NEXMIF: variants seen among roughly 807,000 people sequenced by gnomAD.
NEXMIF encodes neurite extension and migration factor.
NEXMIF carries 8 observed loss-of-function variants against 62.1 expected under a neutral mutation model. The ratio of observed to expected loss-of-function variants is 0.13; its 90% CI spans 0.08 to 0.23. The LOEUF is 0.23. Ranked by LOEUF, NEXMIF falls within the 10% of genes least tolerant of loss-of-function variation. The pLI, the probability that NEXMIF is intolerant of heterozygous loss-of-function variation, is 1.00. For missense variants in NEXMIF, 976 were observed against 1,113.3 expected, an observed-to-expected ratio of 0.88 and a Z score of 1.75; for synonymous variants, 404 against 416.6, an observed-to-expected ratio of 0.97 and a Z score of 0.37.
chrX:74,879,430 T>G (rs1277553120), intron 1 of NEXMIF, among the ~76,000 whole-genome samples: 4 of 112,355 alleles, frequency 3.6e-5, no homozygotes, highest in Non-Finnish European at 7.5e-5. Flanking sequence ...TTATTTTATT[T>G]ATATGTTAAT....
At chrX:74,794,758 CCTTT>C (rs1015971652) in intron 1 of NEXMIF, among the ~76,000 whole-genome samples, 16 of 111,663 alleles carry the variant, frequency 1.4e-4, no homozygotes, top group African/African-American at 4.9e-4. Context: ...GTCCGTCACC[CCTTT>C]CTTTGACTCG....
rs751318061 is a variant in NEXMIF, at chrX:74,744,298, G to T, written c.259C>A (p.Pro87Thr). The T allele has an allele frequency of 8.3e-7, 1 of 1,209,609 alleles. No homozygotes were observed. ...PPSPLGLIEAPEHAANSASVN... is the reference protein window; with the variant it reads ...PPSPLGLIEATEHAANSASVN... Reference sequence around the variant, plus strand: ...GAAGCACTATTAGCAGCATGTTCGGGTGCTTCAATCAGGCCCAAAGGAGAG... The same window carrying T: ...GAAGCACTATTAGCAGCATGTTCGGTTGCTTCAATCAGGCCCAAAGGAGAG... Residue 87 changes from proline (P) to threonine (T), a missense_variant, in exon 3 of 4, where the codon CCC (proline) becomes ACC (threonine). Around this residue, in one of 5 missense-constraint regions of NEXMIF, gnomAD observed 126 missense variants for 146.5 expected, o/e 0.86. Coordinates refer to ENST00000055682, the MANE Select transcript of NEXMIF (RefSeq NM_001008537.3).
At chrX:74,799,990 C>A (rs567537501) in intron 1 of NEXMIF, among the ~76,000 whole-genome samples, 1 of 111,174 alleles carries the variant, frequency 9.0e-6, no homozygotes, top group South Asian at 3.8e-4. Context: ...ATAGACAGAA[C>A]AACTAAATAC....
intron 1 of NEXMIF, among the ~76,000 whole-genome samples, chrX:74,836,320 G>A (rs998582284): frequency 8.9e-6 from 1 of 112,607 alleles, no homozygotes; most frequent in African/African-American, 3.2e-5. Context: ...GCAAGACGAA[G>A]TCCCCTTTAC....
At chrX:74,808,156 C>A (rs1345415739) in intron 1 of NEXMIF, among the ~76,000 whole-genome samples, 1 of 111,345 alleles carries the variant, frequency 9.0e-6, no homozygotes, top group Non-Finnish European at 1.9e-5. Flanking sequence ...GTAATCCCAG[C>A]ACCTTGGGAG....
At chrX:74,747,835 T>C (rs141946334) in intron 1 of NEXMIF, among the ~76,000 whole-genome samples, 306 of 111,477 alleles carry the variant, frequency 2.7e-3, no homozygotes, top group African/African-American at 9.6e-3. Flanking sequence ...AGGCTGATCT[T>C]GAACTCCTGA....
At chrX:74,863,320 TCAAA>T (rs749575910) in intron 1 of NEXMIF, among the ~76,000 whole-genome samples, 13 of 110,341 alleles carry the variant, frequency 1.2e-4, no homozygotes, top group Non-Finnish European at 1.9e-4. Flanking sequence ...AAAAAACTGT[TCAAA>T]CAATCAATGA....
chrX:74,800,718 G>T (rs189881709), intron 1 of NEXMIF, among the ~76,000 whole-genome samples: 2 of 110,693 alleles, frequency 1.8e-5, no homozygotes, highest in South Asian at 3.8e-4. Flanking sequence ...CTATTGTATA[G>T]ATAGGCCATA....
intron 1 of NEXMIF, among the ~76,000 whole-genome samples, chrX:74,791,679 T>G (rs1056520407): frequency 5.4e-5 from 6 of 110,417 alleles, no homozygotes; most frequent in African/African-American, 2.0e-4. Flanking sequence ...TATTCAGAGA[T>G]TCAACTTCTT....
intron 1 of NEXMIF, among the ~76,000 whole-genome samples, chrX:74,850,444 C>A (rs769728087): frequency 8.9e-6 from 1 of 112,063 alleles, no homozygotes; most frequent in African/African-American, 3.2e-5. Flanking sequence ...ACATTGTTGC[C>A]AGCCTATGTT....
chrX:74,742,250 G>T lies in NEXMIF; in HGVS notation c.2307C>A (p.Asn769Lys). The T allele has an allele frequency of 8.3e-7, 1 of 1,211,321 alleles. No homozygotes were observed. The highest frequency in any genetic ancestry group is 1.1e-6 in the Non-Finnish European group (1 of 894,971). ...CATGAAATTCAGATAGACGGGAACT[G>T]TTTGATGTCCCAGGAATAACTTCAT... ...LKNEVIPGTS[N>K]SSRLSEFHEA... The change falls in exon 3 of 4, where the codon AAC becomes AAA. Residue 769 changes from asparagine (N) to lysine (K), a missense_variant. Asn to Lys is a moderately conservative substitution (Grantham distance 94, BLOSUM62 0). Transcript: ENST00000055682.
At chrX:74,800,197 C>T (rs1254563159) in intron 1 of NEXMIF, among the ~76,000 whole-genome samples, 3 of 111,437 alleles carry the variant, frequency 2.7e-5, no homozygotes, top group Non-Finnish European at 5.6e-5. Context: ...CCTTGGGAAA[C>T]TCCCTTCTTT....
chrX:74,919,879 G>A (rs1175005978), intron 1 of NEXMIF, among the ~76,000 whole-genome samples: 95 of 110,203 alleles, frequency 8.6e-4, no homozygotes, highest in African/African-American at 3.1e-3. Context: ...CGCGGTGTTT[G>A]GTTTTTTGTC....
chrX:74,844,183 T>G (rs1028209976), intron 1 of NEXMIF, among the ~76,000 whole-genome samples: 5 of 111,446 alleles, frequency 4.5e-5, no homozygotes, highest in Non-Finnish European at 9.4e-5. Context: ...GTAGGTGACC[T>G]GCCCATTCTC....
intron 1 of NEXMIF, among the ~76,000 whole-genome samples, chrX:74,802,684 G>A (rs1402142275): frequency 1.8e-5 from 2 of 110,373 alleles, no homozygotes; most frequent in Non-Finnish European, 3.8e-5. Flanking sequence ...AGACCATCCA[G>A]GAAAACATAA....
At chrX:74,856,663 C>G (rs189885476) in intron 1 of NEXMIF, among the ~76,000 whole-genome samples, 85 of 111,208 alleles carry the variant, frequency 7.6e-4, no homozygotes, top group African/African-American at 2.5e-3. Context: ...AAACTGACAA[C>G]TATCTACACA....
intron 1 of NEXMIF, among the ~76,000 whole-genome samples, chrX:74,766,832 G>A (rs937063249): frequency 1.8e-5 from 2 of 112,024 alleles, no homozygotes; most frequent in African/African-American, 6.5e-5. Flanking sequence ...TTCTTACATT[G>A]GTTCTTTCTC....
chrX:74,830,663 A>G (rs2080433115), intron 1 of NEXMIF, among the ~76,000 whole-genome samples: 1 of 112,043 alleles, frequency 8.9e-6, no homozygotes, highest in South Asian at 3.7e-4. Context: ...TTTTAACAAT[A>G]TTGATTCTTC....
At chrX:74,922,386 A>G (rs756790259) in intron 1 of NEXMIF, among the ~76,000 whole-genome samples, 1 of 111,470 alleles carries the variant, frequency 9.0e-6, no homozygotes, top group South Asian at 3.7e-4. Context: ...GCACTGATGC[A>G]TCAAAGATTT....
Sources: allele counts gnomAD v4.1 joint callset (sites outside exome capture counted in the v4.1 genomes callset), GRCh38; gene constraint gnomAD v4.1.1; regional missense constraint gnomAD v4.1.1; transcripts MANE v1.5; gene names NCBI Gene and HGNC (gene_info 2026-07-23, HGNC 2026-07-21).